Variants in WIZ observed in about 807,000 individuals in gnomAD.
WIZ encodes the protein WIZ zinc finger.
A neutral mutation model predicts 140.2 loss-of-function variants in WIZ; 25 were observed. That is an observed-to-expected ratio of 0.18 (90% CI 0.13 to 0.25). WIZ has a LOEUF of 0.25. Among genes scored for constraint, WIZ ranks in the 10% least tolerant of loss-of-function variants. The probability of loss-of-function intolerance (pLI) is 1.00; values close to 1 mark genes in which losing one functional copy is unlikely to be tolerated. For missense variants in WIZ, 2,231 were observed against 2,632.6 expected, an observed-to-expected ratio of 0.85 and a Z score of 3.34; for synonymous variants, 1,125 against 1,154.3, an observed-to-expected ratio of 0.97 and a Z score of 0.51.
intron 9 of WIZ, among the ~76,000 whole-genome samples, chr19:15,426,288 C>A (rs541566148): frequency 8.1e-4 from 123 of 152,262 alleles, no homozygotes; most frequent in African/African-American, 2.8e-3. Context: ...AGGCACAAGC[C>A]TGGGCTGCCC....
At chr19:15,444,973 C>G (rs1234124411) in intron 2 of WIZ, among the ~76,000 whole-genome samples, 1 of 152,208 alleles carries the variant, frequency 6.6e-6, no homozygotes, top group Non-Finnish European at 1.5e-5. Context: ...AGCGAGGCTC[C>G]TATTTTTAGT....
At chr19:15,437,385 C>T (rs986422226) in intron 4 of WIZ, among the ~76,000 whole-genome samples, 2 of 152,230 alleles carry the variant, frequency 1.3e-5, no homozygotes, top group Non-Finnish European at 2.9e-5. Context: ...TCTCCAGGGC[C>T]AGGTGTGGTG....
At position 15,424,330 on chromosome 19, in the gene WIZ, C is replaced by A; in HGVS notation, c.5363G>T (p.Gly1788Val). 1 of 1,603,946 alleles carries A rather than the reference C, an allele frequency of 6.2e-7. No homozygotes were observed. The highest frequency in any genetic ancestry group is 8.5e-7 in the Non-Finnish European group (1 of 1,177,036). ...CTGTAGGTCATTGGTGTCCTCGCCT[C>A]CCCGGGCTGCGGAGGCATCTGGAGG... ...ARPPDASAAR[G>V]GEDTNDLQQK... The change falls in exon 12 of 13, where the codon GGA becomes GTA. Residue 1788 changes from glycine (G) to valine (V), a missense_variant. Physicochemically the swap from Gly to Val is moderately radical, Grantham distance 109. Transcript: ENST00000673675. The surrounding 1 kb of genome is among the most constrained non-coding windows in gnomAD (Gnocchi z 9.7).
Position 15,439,932 on chromosome 19 carries a change from G to A in WIZ, c.1062C>T (p.Cys354=), listed in dbSNP as rs1260632268. 8 of 1,533,084 alleles carry A rather than the reference G, an allele frequency of 5.2e-6. No individual in the cohort carries two copies. Among genetic ancestry groups the A allele is most frequent in the Non-Finnish European group, 4.4e-6 (5 of 1,145,376 alleles). 95.0% of individuals were successfully genotyped at this position (1,533,084 alleles called of 1,614,324 possible). Reference sequence around the variant, plus strand: ...CAGCAAAGGCCCAGCCACACTCCCCGCAGGCCAGCGGGGCCAGGTCCGCAG... The same window carrying A: ...CAGCAAAGGCCCAGCCACACTCCCCACAGGCCAGCGGGGCCAGGTCCGCAG... ...EPPADLAPLA[C]GECGWAFADP... Residue 354 remains cysteine, a synonymous_variant, in exon 4 of 13, where the codon TGC becomes TGT. Transcript: ENST00000673675. This position sits in a 1 kb window ranked among gnomAD's most constrained non-coding sequence, Gnocchi z 7.0.
Position 15,425,368 on chromosome 19 carries a change from G to A in WIZ, c.4767C>T (p.Gly1589=), listed in dbSNP as rs1198493328. The part of the protein sequence containing the change: ...GAKPSATGYL[G]SVAAKRPLQE... ...GCAGGGGCCGCTTGGCTGCCACTGAGCCCAGGTAGCCAGTGGCTGAGGGCT... is the reference window on the plus strand; with the variant it reads ...GCAGGGGCCGCTTGGCTGCCACTGAACCCAGGTAGCCAGTGGCTGAGGGCT... Residue 1589 remains glycine, a synonymous_variant, in exon 10 of 13, where the codon GGC becomes GGT. Transcript: ENST00000673675. 1.9e-6 allele frequency: 3 copies of A among 1,557,232 alleles called. No homozygotes were observed. The highest frequency in any genetic ancestry group is 4.8e-5 in the East Asian group (2 of 41,358).
chr19:15,437,998 C>T (rs1423210083), intron 4 of WIZ, among the ~76,000 whole-genome samples: 1 of 152,020 alleles, frequency 6.6e-6, no homozygotes, highest in Non-Finnish European at 1.5e-5. Flanking sequence ...TGCGTAGACA[C>T]ACACACACAC....
intron 4 of WIZ, among the ~76,000 whole-genome samples, chr19:15,438,341 T>G (rs1969593219): frequency 6.6e-6 from 1 of 152,144 alleles, no homozygotes; most frequent in Admixed American, 6.5e-5. Context: ...ATGAATGAAA[T>G]TCTCTGCCTG....
Position 15,425,782 on chromosome 19 carries a change from A to T in WIZ, c.4367-14T>A. 2.4e-6 allele frequency: 3 copies of T among 1,246,800 alleles called. No individual in the cohort carries two copies. The highest frequency in any genetic ancestry group is 3.1e-6 in the Non-Finnish European group (3 of 953,506). 77.2% of individuals were successfully genotyped at this position (1,246,800 alleles called of 1,614,324 possible). A position where few individuals can be genotyped will look rare whatever the true frequency, so the allele number is the denominator to read the frequency against. On this transcript the variant is annotated splice_polypyrimidine_tract_variant and intron_variant, in intron 9 of 12. Coordinates refer to ENST00000673675, the MANE Select transcript of WIZ (RefSeq NM_001371589.1). ...CTGCCCGGGACGCTGCAGGGGATCC[A>T]GGGTAGGGGGAAGGAGGAGGAGGAG...
intron 6 of WIZ, 135 bp downstream of exon 6, chr19:15,430,877 C>T (rs1969188615): frequency 1.4e-5 from 16 of 1,152,598 alleles, no homozygotes; most frequent in Admixed American, 5.9e-5. Flanking sequence ...TGAGTGCCAA[C>T]CTTGGTGCCT....
chr19:15,429,759 C>T lies in WIZ; in HGVS notation c.3242G>A (p.Gly1081Asp), dbSNP rs760541354. 7.8e-5 allele frequency: 118 copies of T among 1,504,120 alleles called. No individual in the cohort carries two copies. Among genetic ancestry groups the T allele is most frequent in the Admixed American group, 5.3e-4 (25 of 47,300 alleles). The allele number at this position is 1,504,120 out of a possible 1,614,324, so 93.2% of individuals were successfully genotyped here. A position where few individuals can be genotyped will look rare whatever the true frequency, so the allele number is the denominator to read the frequency against. ...IKSPPGFSAK[G>D]LGHPPSSPLL... ...TGGAGAGCTGGGCGGGTGGCCCAGGCCCTTGGCCGAGAAGCCGGGAGGCGA... is the reference window on the plus strand; with the variant it reads ...TGGAGAGCTGGGCGGGTGGCCCAGGTCCTTGGCCGAGAAGCCGGGAGGCGA... The change falls in exon 7 of 13, where the codon GGC (glycine) becomes GAC (aspartate). Residue 1081 changes from glycine (G) to aspartate (D), a missense_variant. By Grantham distance (94) the Gly-to-Asp change is moderately conservative (BLOSUM62 -1). Coordinates refer to ENST00000673675, the MANE Select transcript of WIZ (RefSeq NM_001371589.1).
chr19:15,424,458 G>C lies in WIZ; in HGVS notation c.5315-80C>G. ...TTGGAATACACAAGAGCTGAGGACT[G>C]ATGCTACCTGGATGGGTGGGATGGG... is the stretch of plus-strand genomic sequence containing the variant. On this transcript the variant is annotated intron_variant, in intron 11 of 12. Transcript: ENST00000673675. The surrounding 1 kb of genome is among the most constrained non-coding windows in gnomAD (Gnocchi z 9.7). 1.3e-6 allele frequency: 2 copies of C among 1,546,980 alleles called. No individual in the cohort carries two copies. The highest frequency in any genetic ancestry group is 1.7e-6 in the Non-Finnish European group (2 of 1,143,238).
At chr19:15,432,705 C>T (rs1969346942) in intron 5 of WIZ, 1 of 150,854 alleles carries the variant, frequency 6.6e-6, no homozygotes, top group African/African-American at 2.4e-5. Context: ...AGGCGGCCAT[C>T]TTGGCTCCGG....
chr19:15,433,658 C>G (rs973415191), intron 5 of WIZ, among the ~76,000 whole-genome samples: 1 of 152,216 alleles, frequency 6.6e-6, no homozygotes, highest in African/African-American at 2.4e-5. Flanking sequence ...TAGCCATCCT[C>G]AGAGCCAGCT....
At position 15,427,125 on chromosome 19, in the gene WIZ, G is replaced by A. The variant is rs1968879899; in HGVS notation, c.4223C>T (p.Pro1408Leu). Reference protein sequence around the residue: ...ARKMFPGLAAPSLPKKLKPEQ... With the variant: ...ARKMFPGLAALSLPKKLKPEQ... ...AGGCTTCAGCTTCTTGGGCAAGGAGGGTGCAGCCAGGCCTGGGAACATCTT... is the reference window on the plus strand; with the variant it reads ...AGGCTTCAGCTTCTTGGGCAAGGAGAGTGCAGCCAGGCCTGGGAACATCTT... Residue 1408 changes from proline (P) to leucine (L), a missense_variant, in exon 9 of 13, where the codon CCC (proline) becomes CTC (leucine). Physicochemically the swap from Pro to Leu is moderately conservative, Grantham distance 98 (BLOSUM62 -3). Around this residue, in one of 15 missense-constraint regions of WIZ, gnomAD observed 393 missense variants for 451.7 expected, o/e 0.87. Transcript: ENST00000673675. The surrounding 1 kb of genome is among the most constrained non-coding windows in gnomAD (Gnocchi z 6.4). 5 of 1,614,092 alleles carry A rather than the reference G, an allele frequency of 3.1e-6. No individual in the cohort carries two copies. The highest frequency in any genetic ancestry group is 4.2e-6 in the Non-Finnish European group (5 of 1,180,036).
chr19:15,424,518 A>G lies in WIZ; in HGVS notation c.5314+95T>C. 4 of 1,526,904 alleles carry G rather than the reference A, an allele frequency of 2.6e-6. No individual in the cohort carries two copies. The South Asian group carries it at 3.8e-5, about 14-fold the overall frequency. 94.6% of individuals were successfully genotyped at this position (1,526,904 alleles called of 1,614,324 possible). On this transcript the variant is annotated intron_variant, in intron 11 of 12. Transcript: ENST00000673675. This position sits in a 1 kb window ranked among gnomAD's most constrained non-coding sequence, Gnocchi z 9.7. ...GGTGAATGGGTAAGCAACTGGAGAA[A>G]GGACTTAAGGGCCACAGCAGAGCGC...
chr19:15,435,034 C>G lies in WIZ; in HGVS notation c.2740+1772G>C, dbSNP rs1314601373. On this transcript the variant is annotated intron_variant, in intron 5 of 12. Coordinates refer to ENST00000673675, the MANE Select transcript of WIZ (RefSeq NM_001371589.1). ...ACGAGGTCAGGAGATAGACACCATCCTGGCTAACATAGTGAAACCTCGTCA... is the reference window on the plus strand; with the variant it reads ...ACGAGGTCAGGAGATAGACACCATCGTGGCTAACATAGTGAAACCTCGTCA... Among the ~76,000 whole-genome samples the G allele has an allele frequency of 2.0e-5, 3 of 152,040 alleles. No individual in the cohort carries two copies. In the East Asian group the frequency reaches 5.8e-4, roughly 29 times the overall value.
In WIZ at chr19:15,429,932, C is replaced by T; in HGVS notation, c.3069G>A (p.Lys1023=). 3 of 1,536,030 alleles carry T rather than the reference C, an allele frequency of 2.0e-6. No homozygotes were observed. The highest frequency in any genetic ancestry group is 1.4e-5 in the African/African-American group (1 of 73,168). Residue 1023 remains lysine, a synonymous_variant, in exon 7 of 13, where the codon AAG becomes AAA. Transcript: ENST00000673675. ...IDLLYELVKQ[K]GLPDAHLGLP... ...GCCCAAGGTGGGCGTCAGGCAGACC[C>T]TTCTGCTTCACAAGCTCGTAGAGGA...
chr19:15,435,170 A>G (rs558636190), intron 5 of WIZ, among the ~76,000 whole-genome samples: 1 of 152,210 alleles, frequency 6.6e-6, no homozygotes, highest in South Asian at 2.1e-4. Context: ...GTGAGCCGAG[A>G]TGGCACCACT....
chr19:15,445,379 C>T (rs1969882775), intron 2 of WIZ, among the ~76,000 whole-genome samples: 1 of 152,198 alleles, frequency 6.6e-6, no homozygotes, highest in South Asian at 2.1e-4. Context: ...TGGGAACAGC[C>T]ACCGACCCAG....
Sources: gnomAD v4.1 joint callset for allele counts (sites outside exome capture counted in the v4.1 genomes callset) on GRCh38, gnomAD v4.1.1 for gene constraint, gnomAD v4.1.1 regional missense constraint, Gnocchi (gnomAD v3.1) non-coding constraint, MANE v1.5 for transcripts, NCBI Gene and HGNC (gene_info 2026-07-23, HGNC 2026-07-21) for gene names.